ZDHHC9: variants seen among roughly 807,000 people sequenced by gnomAD.
ZDHHC9 encodes palmitoyltransferase ZDHHC9.
ZDHHC9 carries 3 observed loss-of-function variants against 26.6 expected under a neutral mutation model. That is an observed-to-expected ratio of 0.11 (90% CI 0.05 to 0.29). The LOEUF is 0.29. ZDHHC9 is among the 10% of genes least tolerant of loss of function. The pLI, the probability that ZDHHC9 is intolerant of heterozygous loss-of-function variation, is 1.00. For missense variants in ZDHHC9, 146 were observed against 296.4 expected, an observed-to-expected ratio of 0.49 and a Z score of 3.73; for synonymous variants, 111 against 109.4, an observed-to-expected ratio of 1.01 and a Z score of -0.09.
At chrX:129,840,769 G>T (rs147381802) in intron 3 of ZDHHC9, among the ~76,000 whole-genome samples, 4,472 of 110,485 alleles carry the variant, frequency 0.04, 231 homozygotes, top group African/African-American at 0.14. Flanking sequence ...CACTGGGAAA[G>T]CCTGAAGCCC....
intron 5 of ZDHHC9, among the ~76,000 whole-genome samples, chrX:129,816,921 C>A (rs938173774): frequency 9.9e-5 from 11 of 111,279 alleles, no homozygotes; most frequent in African/African-American, 3.3e-4. Context: ...TCACACTTGT[C>A]ACCCAGGCTG....
chrX:129,832,820 C>G (rs1928175314), intron 3 of ZDHHC9, among the ~76,000 whole-genome samples: 1 of 86,555 alleles, frequency 1.2e-5, no homozygotes, highest in Non-Finnish European at 1.9e-5. Flanking sequence ...AATACATAAG[C>G]CGGACGTGGT....
chrX:129,823,788 G>C lies in ZDHHC9; in HGVS notation c.378C>G (p.Ile126Met), dbSNP rs1238443930. The C allele has an allele frequency of 6.6e-6, 8 of 1,211,588 alleles. No homozygotes were observed. The highest frequency in any genetic ancestry group is 8.9e-6 in the Non-Finnish European group (8 of 895,302). The change falls in exon 5 of 11, where the codon ATC becomes ATG. Residue 126 changes from isoleucine (I) to methionine (M), a missense_variant. Ile to Met is a conservative substitution (Grantham distance 10). This residue lies in a region of ZDHHC9 where 100 missense variants were observed against 250.0 expected (regional missense o/e 0.40). Coordinates refer to ENST00000357166, the MANE Select transcript of ZDHHC9 (RefSeq NM_016032.4). ...TCTGGTTGTTTATCTGGAAATTCTT[G>C]ATACGAGGCGGTGGTCGCTGGCCCT... Reference protein sequence around the residue: ...VPQGQRPPPRIKNFQINNQIV... With the variant: ...VPQGQRPPPRMKNFQINNQIV...
chrX:129,812,638 C>T (rs1927668106), intron 8 of ZDHHC9, 80 bp downstream of exon 8: 2 of 879,979 alleles, frequency 2.3e-6, no homozygotes, highest in Non-Finnish European at 3.4e-6. Flanking sequence ...CCTGGAGACT[C>T]GGTAGTTCTC....
Position 129,829,016 on chromosome X carries a change from A to C in ZDHHC9, c.293T>G (p.Leu98Arg), listed in dbSNP as rs771530408. 8.3e-7 allele frequency: 1 copy of C among 1,211,802 alleles called. No individual in the cohort carries two copies. Among genetic ancestry groups the C allele is most frequent in the Non-Finnish European group, 1.1e-6 (1 of 895,572 alleles). The change falls in exon 4 of 11, where the codon CTA (leucine) becomes CGA (arginine). Residue 98 changes from leucine (L) to arginine (R), a missense_variant. By Grantham distance (102) the Leu-to-Arg change is moderately radical (BLOSUM62 -2). Transcript: ENST00000357166. ...FSDPGVIPRA[L>R]PDEAAFIEME... Reference sequence around the variant, plus strand: ...TTCTATGAAAGCTGCTTCATCTGGTAGCGCCCGAGGAATCACTCCAGGGTC... The same window carrying C: ...TTCTATGAAAGCTGCTTCATCTGGTCGCGCCCGAGGAATCACTCCAGGGTC...
Position 129,842,085 on chromosome X carries a change from GA to G in ZDHHC9, c.-135-6del. 1.5e-6 allele frequency: 1 copy of G among 666,913 alleles called. No homozygotes were observed. The highest frequency in any genetic ancestry group is 2.3e-6 in the Non-Finnish European group (1 of 438,698). 55.0% of individuals were successfully genotyped at this position (666,913 alleles called of 1,213,427 possible). A position where few individuals can be genotyped will look rare whatever the true frequency, so the allele number is the denominator to read the frequency against. On this transcript the variant is annotated splice_region_variant and splice_polypyrimidine_tract_variant and intron_variant, in intron 2 of 10. Coordinates refer to ENST00000357166, the MANE Select transcript of ZDHHC9 (RefSeq NM_016032.4). ...TCAAAAGTCCAATTGCTAGCCCTAA[GA>G]AAAAGCAGAAAAAGAAAAAAAAATG... is the stretch of plus-strand genomic sequence containing the variant.
Position 129,804,777 on chromosome X carries a change from T to C in ZDHHC9, c.*1593A>G, listed in dbSNP as rs924162043. ...ATAAGAAAACCTTCAGCCCAGAATG[T>C]AGTATAGATCAATGGAGAGTTTGGA... On this transcript the variant is annotated 3_prime_UTR_variant, in exon 11 of 11. Transcript: ENST00000357166. 9.0e-6 allele frequency: 1 copy of C among 111,664 alleles called. No individual in the cohort carries two copies. The highest frequency in any genetic ancestry group is 9.5e-5 in the Admixed American group (1 of 10,502). The allele number at this position is 111,664 out of a possible 1,213,427, so 9.2% of individuals were successfully genotyped here.
In ZDHHC9 at chrX:129,810,967, C is replaced by T; in HGVS notation, c.916G>A (p.Glu306Lys). Residue 306 changes from glutamate (E) to lysine (K), a missense_variant, in exon 10 of 11, where the codon GAA (glutamate) becomes AAA (lysine). Transcript: ENST00000357166. ...GTACTGGGAGGTCGACTTCCACTTT[C>T]CTCCAGTGGCAAAATACCCCTTCGA... The part of the protein sequence containing the change: ...LDRRGILPLE[E>K]SGSRPPSTQE... 1.7e-6 allele frequency: 2 copies of T among 1,211,319 alleles called. No homozygotes were observed. The highest frequency in any genetic ancestry group is 2.2e-6 in the Non-Finnish European group (2 of 895,272).
chrX:129,837,676 A>C (rs1057494303), intron 3 of ZDHHC9, among the ~76,000 whole-genome samples: 8 of 112,104 alleles, frequency 7.1e-5, no homozygotes, highest in African/African-American at 2.6e-4. Context: ...TATACAGAGG[A>C]CACAGTGAGA....
At chrX:129,820,717 G>A in intron 5 of ZDHHC9, among the ~76,000 whole-genome samples, 1 of 111,914 alleles carries the variant, frequency 8.9e-6, no homozygotes, top group Admixed American at 9.5e-5. Flanking sequence ...ATTTGTATGA[G>A]TTCCTTATAG....
chrX:129,834,052 TG>T lies in ZDHHC9; in HGVS notation c.168-4912del, dbSNP rs200933550. ...TGATGGATTTTGGAGGTGGGGCCTT[TG>T]GGGGGTGATTAGGTCACCTAAGGCT... On this transcript the variant is annotated intron_variant, in intron 3 of 10. Coordinates refer to ENST00000357166, the MANE Select transcript of ZDHHC9 (RefSeq NM_016032.4). 8.0e-3 allele frequency among the ~76,000 whole-genome samples: 893 copies of T among 111,849 alleles called. 7 individuals carry two copies. The highest frequency in any genetic ancestry group is 0.027 in the African/African-American group (844 of 30,772).
intron 3 of ZDHHC9, among the ~76,000 whole-genome samples, chrX:129,833,529 T>C (rs1419187813): frequency 8.9e-6 from 1 of 112,488 alleles, no homozygotes; most frequent in Non-Finnish European, 1.9e-5. Context: ...ATTGGTGTTC[T>C]GTACAATACA....
intron 3 of ZDHHC9, among the ~76,000 whole-genome samples, chrX:129,830,337 T>A (rs1321854036): frequency 9.0e-6 from 1 of 111,599 alleles, no homozygotes; most frequent in Non-Finnish European, 1.9e-5. Flanking sequence ...CTTGATGAGG[T>A]CATTGTGTGG....
In ZDHHC9 at chrX:129,806,219, G is replaced by T; in HGVS notation, c.*151C>A. On this transcript the variant is annotated 3_prime_UTR_variant, in exon 11 of 11. Coordinates refer to ENST00000357166, the MANE Select transcript of ZDHHC9 (RefSeq NM_016032.4). ...AGAAATTTAAAAAAGCTTGCAGCAAGAAAATGCCAGTGTGCAACTGGGTGA... is the reference window on the plus strand; with the variant it reads ...AGAAATTTAAAAAAGCTTGCAGCAATAAAATGCCAGTGTGCAACTGGGTGA... The T allele has an allele frequency of 1.8e-6, 1 of 552,278 alleles. No homozygotes were observed. The highest frequency in any genetic ancestry group is 3.2e-6 in the Non-Finnish European group (1 of 314,051). The allele number at this position is 552,278 out of a possible 1,213,427, so 45.5% of individuals were successfully genotyped here.
At position 129,813,177 on chromosome X, in the gene ZDHHC9, T is replaced by C. The variant is rs758801070; in HGVS notation, c.675-357A>G. 2.7e-5 allele frequency among the ~76,000 whole-genome samples: 3 copies of C among 111,780 alleles called. No homozygotes were observed. The East Asian group carries it at 8.4e-4, about 31-fold the overall frequency. On this transcript the variant is annotated intron_variant, in intron 7 of 10. Transcript: ENST00000357166. Reference sequence around the variant, plus strand: ...ACTTTGGGAGGCCAAGGTGGGCGGATCACAAGGTCAGGAGTTCGAGAACAG... The same window carrying C: ...ACTTTGGGAGGCCAAGGTGGGCGGACCACAAGGTCAGGAGTTCGAGAACAG...
chrX:129,833,423 A>G (rs1288454444), intron 3 of ZDHHC9, among the ~76,000 whole-genome samples: 4 of 112,208 alleles, frequency 3.6e-5, no homozygotes, highest in Non-Finnish European at 7.5e-5. Context: ...ATAATGACAC[A>G]GACTTCAATT....
chrX:129,823,025 G>A (rs1203499659), intron 5 of ZDHHC9: 1 of 112,620 alleles, frequency 8.9e-6, no homozygotes, highest in Non-Finnish European at 1.9e-5. Context: ...ACAGACCACT[G>A]TATTAGACAC....
intron 5 of ZDHHC9, among the ~76,000 whole-genome samples, chrX:129,820,764 C>T (rs756853664): frequency 6.3e-5 from 7 of 111,945 alleles, no homozygotes; most frequent in African/African-American, 2.3e-4. Flanking sequence ...TACTACCTCA[C>T]ATCAGACCTT....
At chrX:129,834,673 C>T (rs1313867825) in intron 3 of ZDHHC9, among the ~76,000 whole-genome samples, 1 of 111,704 alleles carries the variant, frequency 9.0e-6, no homozygotes, top group Non-Finnish European at 1.9e-5. Flanking sequence ...TGCTCGAGAA[C>T]TTAGAACCAT....
Sources: allele counts gnomAD v4.1 joint callset (sites outside exome capture counted in the v4.1 genomes callset), GRCh38; gene constraint gnomAD v4.1.1; regional missense constraint gnomAD v4.1.1; transcripts MANE v1.5; gene names NCBI Gene and HGNC (gene_info 2026-07-23, HGNC 2026-07-21).